SASH1: variants seen among roughly 807,000 people sequenced by gnomAD.
SASH1 encodes the protein SAM and SH3 domain containing 1.
In SASH1, 44 loss-of-function variants were observed where a neutral mutation model predicts 125.2. That is an observed-to-expected ratio of 0.35 (90% CI 0.28 to 0.45). The LOEUF (loss-of-function observed/expected upper bound fraction) is 0.45. Ranked by LOEUF, SASH1 falls within the 20% of genes least tolerant of loss-of-function variation. The pLI is 1.00. For missense variants in SASH1, 1,426 were observed against 1,614.5 expected (o/e 0.88, Z 2.00); for synonymous variants, 639 against 649.1 (o/e 0.98, Z 0.24).
the SASH1 span, among the ~76,000 whole-genome samples, chr6:148,243,450 AAATAATAATAAT>A: frequency 2.9e-4 from 40 of 138,556 alleles, 1 homozygote; most frequent in Admixed American, 2.2e-3. Flanking sequence ...AATTCCATCT[AAATAATAATAAT>A]AATAATAATA....
the SASH1 span, among the ~76,000 whole-genome samples, chr6:148,210,348 T>G: frequency 1.3e-5 from 2 of 152,138 alleles, no homozygotes; most frequent in South Asian, 4.1e-4. Flanking sequence ...ACTAACAACA[T>G]GGGGAAACCC....
intron 1 of SASH1, among the ~76,000 whole-genome samples, chr6:148,311,816 C>CA (rs1409951043): frequency 6.6e-6 from 1 of 151,768 alleles, no homozygotes; most frequent in Non-Finnish European, 1.5e-5. Context: ...CTCAGAAAAA[C>CA]AAAAAAATAA....
At chr6:148,351,846 A>C (rs1426675585) in intron 1 of SASH1, among the ~76,000 whole-genome samples, 1 of 152,014 alleles carries the variant, frequency 6.6e-6, no homozygotes, top group Non-Finnish European at 1.5e-5. Flanking sequence ...GTGTTTCAAC[A>C]TTAAATTATT....
chr6:148,203,890 C>T, the SASH1 span, among the ~76,000 whole-genome samples: 1 of 152,208 alleles, frequency 6.6e-6, no homozygotes, highest in Non-Finnish European at 1.5e-5. Context: ...AGTAGAGAAA[C>T]TCTATCGTTT....
chr6:148,249,234 C>T, the SASH1 span, among the ~76,000 whole-genome samples: 4 of 152,158 alleles, frequency 2.6e-5, no homozygotes, highest in African/African-American at 9.7e-5. Context: ...TTTTGCTAAA[C>T]GAATGAATGA....
intron 4 of SASH1, among the ~76,000 whole-genome samples, chr6:148,445,556 C>T (rs76210607): frequency 6.6e-6 from 1 of 152,186 alleles, no homozygotes; most frequent in East Asian, 1.9e-4. Flanking sequence ...CATCTGAGTT[C>T]CATGAATGGG....
intron 2 of SASH1, among the ~76,000 whole-genome samples, chr6:148,399,694 A>G (rs1307404510): frequency 6.6e-6 from 1 of 152,210 alleles, no homozygotes; most frequent in African/African-American, 2.4e-5. Context: ...GCATTCCTAA[A>G]TGTTGAGGAA....
At chr6:148,423,130 G>T (rs2473556) in intron 2 of SASH1, among the ~76,000 whole-genome samples, 3 of 151,988 alleles carry the variant, frequency 2.0e-5, no homozygotes, top group East Asian at 1.9e-4. Flanking sequence ...TTAGAGACAG[G>T]GTTTCACCAT....
At chr6:148,223,884 C>T in the SASH1 span, among the ~76,000 whole-genome samples, 1 of 152,214 alleles carries the variant, frequency 6.6e-6, no homozygotes, top group African/African-American at 2.4e-5. Flanking sequence ...ATAATCTATA[C>T]TGCTTTGGCT....
intron 4 of SASH1, among the ~76,000 whole-genome samples, chr6:148,441,484 T>A (rs1033990742): frequency 1.3e-5 from 2 of 152,310 alleles, no homozygotes; most frequent in South Asian, 2.1e-4. Flanking sequence ...CCCCATCAGC[T>A]TTTTTTGTTT....
intron 12 of SASH1, among the ~76,000 whole-genome samples, chr6:148,530,008 C>T (rs1486405081): frequency 3.3e-5 from 5 of 152,100 alleles, no homozygotes; most frequent in Admixed American, 2.0e-4. Context: ...GGTTTCACTA[C>T]GTTGGCCAGG....
intron 1 of SASH1, among the ~76,000 whole-genome samples, chr6:148,286,791 G>C (rs1021865107): frequency 6.6e-6 from 1 of 152,144 alleles, no homozygotes; most frequent in Non-Finnish European, 1.5e-5. Flanking sequence ...CTGGGGAGTA[G>C]GGTTACAGCA....
intron 2 of SASH1, among the ~76,000 whole-genome samples, chr6:148,406,286 G>A (rs1417444683): frequency 6.6e-6 from 1 of 152,038 alleles, no homozygotes; most frequent in Non-Finnish European, 1.5e-5. Flanking sequence ...TCATTTGGGG[G>A]CCCAGTGTGA....
intron 1 of SASH1, among the ~76,000 whole-genome samples, chr6:148,331,914 G>A (rs79550054): frequency 0.016 from 2,360 of 151,994 alleles, 141 homozygotes; most frequent in East Asian, 0.13. Flanking sequence ...GAACTCCCAG[G>A]CTCAAGTGAT....
intron 2 of SASH1, among the ~76,000 whole-genome samples, chr6:148,422,917 C>T (rs1014273245): frequency 1.3e-5 from 2 of 151,864 alleles, no homozygotes; most frequent in South Asian, 2.1e-4. Context: ...GATATCTATC[C>T]GTGTGTGGTT....
upstream of SASH1, among the ~76,000 whole-genome samples, chr6:148,270,477 T>C (rs1779036832): frequency 6.6e-6 from 1 of 152,212 alleles, no homozygotes; most frequent in Admixed American, 6.5e-5. Context: ...CCTTTGGTGA[T>C]TGTTTCCCTA....
At chr6:148,194,869 G>T in the SASH1 span, among the ~76,000 whole-genome samples, 1 of 152,224 alleles carries the variant, frequency 6.6e-6, no homozygotes, top group Non-Finnish European at 1.5e-5. Context: ...TCGCGCCACT[G>T]CACTCCAGCC....
the SASH1 span, among the ~76,000 whole-genome samples, chr6:148,234,907 T>G: frequency 1.3e-5 from 2 of 151,452 alleles, no homozygotes; most frequent in African/African-American, 4.9e-5. Flanking sequence ...GGTCTGAAAA[T>G]GCTTATTCTC....
chr6:148,482,480 T>G (rs190673008), intron 7 of SASH1, among the ~76,000 whole-genome samples: 1 of 152,098 alleles, frequency 6.6e-6, no homozygotes, highest in South Asian at 2.1e-4. Context: ...CAAAGAGCAC[T>G]TAATGTTTGT....
Sources: gnomAD v4.1 joint callset for allele counts (sites outside exome capture counted in the v4.1 genomes callset) on GRCh38, gnomAD v4.1.1 for gene constraint, MANE v1.5 for transcripts, NCBI Gene and HGNC (gene_info 2026-07-23, HGNC 2026-07-21) for gene names.